RRM2: variants seen among roughly 807,000 people sequenced by gnomAD.
RRM2 encodes the protein ribonucleoside-diphosphate reductase subunit M2.
In RRM2, 6 loss-of-function variants were observed where a neutral mutation model predicts 45.9. The observed-to-expected ratio is 0.13, with a 90% CI of 0.07 to 0.26. RRM2 has a LOEUF of 0.26. Among genes scored for constraint, RRM2 ranks in the 10% least tolerant of loss-of-function variants. The probability of loss-of-function intolerance (pLI) is 1.00; values close to 1 mark genes in which losing one functional copy is unlikely to be tolerated. For synonymous variants in RRM2, 177 were observed against 173.0 expected (o/e 1.02, Z -0.18); for missense variants, 343 against 489.5 (o/e 0.70, Z 2.82).
chr2:10,200,480 GCCCACAGGCACCGCGCACACAAAA>G lies in RRM2; in HGVS notation n.483-9830_483-9807del, dbSNP rs1664533583. ...AGGGACCGCGCGCGCAAAATATGAG[GCCCACAGGCACCGCGCACACAAAA>G]TATGAGGCCCACAGGGACTGCGCGC... On this transcript the variant is annotated intron_variant and non_coding_transcript_variant, in intron 3 of 3. Coordinates refer to the RRM2 transcript ENST00000381786. 1.5e-4 allele frequency among the ~76,000 whole-genome samples: 8 copies of G among 53,986 alleles called. 3 individuals carry two copies. The highest frequency in any genetic ancestry group is 3.6e-4 in the African/African-American group (6 of 16,540). The allele number at this position is 53,986 out of a possible 152,430, so 35.4% of individuals were successfully genotyped here. A position where few individuals can be genotyped will look rare whatever the true frequency, so the allele number is the denominator to read the frequency against.
upstream of RRM2, among the ~76,000 whole-genome samples, chr2:10,136,521 A>G (rs1662992253): frequency 6.6e-6 from 1 of 152,212 alleles, no homozygotes; most frequent in Admixed American, 6.5e-5. Flanking sequence ...TGCAATGTCA[A>G]CACTGGGAGG....
At chr2:10,142,227 G>C in intron 2 of RRM2, 1 of 1,530,846 alleles carries the variant, frequency 6.5e-7, no homozygotes, top group Non-Finnish European at 8.9e-7. Flanking sequence ...TGCAGACCCA[G>C]GTAAAGAGTC....
At chr2:10,146,424 A>AG (rs1431228181) in intron 3 of RRM2, among the ~76,000 whole-genome samples, 1 of 152,208 alleles carries the variant, frequency 6.6e-6, no homozygotes, top group Non-Finnish European at 1.5e-5. Flanking sequence ...ATGTGCAGCT[A>AG]GGGTGGGGCG....
intron 3 of RRM2, among the ~76,000 whole-genome samples, chr2:10,203,673 C>T (rs1479353636): frequency 6.6e-6 from 1 of 152,066 alleles, no homozygotes; most frequent in East Asian, 1.9e-4. Flanking sequence ...ATAACTTGAA[C>T]CCGGGAGGCG....
rs1378629137 is a variant in RRM2 at position 10,129,160 on chromosome 2, G to A, written c.1017+6G>A. 1.9e-6 allele frequency: 3 copies of A among 1,614,042 alleles called. No homozygotes were observed. The highest frequency in any genetic ancestry group is 2.5e-6 in the Non-Finnish European group (3 of 1,179,888). On this transcript the variant is annotated splice_donor_region_variant and intron_variant, in intron 9 of 9. Coordinates refer to ENST00000304567, the MANE Select transcript of RRM2 (RefSeq NM_001034.4). This position sits in a 1 kb window ranked among gnomAD's most constrained non-coding sequence, Gnocchi z 4.8. ...TGGAACTGGGTTTTAGCAAGGTAAA[G>A]TATTGTTTACATAGCCTTTTGCTTG...
rs771867724 is a variant in RRM2, at chr2:10,164,274, C to T, written n.482+21899C>T. 3.3e-5 allele frequency among the ~76,000 whole-genome samples: 5 copies of T among 152,176 alleles called. No homozygotes were observed. The South Asian group carries it at 6.2e-4, about 19-fold the overall frequency. ...GGCCTGAGTCTGCATCTGGGCTCCA[C>T]CTCACCAGCTGTGTGTGAAACCACT... On this transcript the variant is annotated intron_variant and non_coding_transcript_variant, in intron 3 of 3. Coordinates refer to the RRM2 transcript ENST00000381786.
intron 3 of RRM2, among the ~76,000 whole-genome samples, chr2:10,184,569 G>C (rs1459399488): frequency 6.6e-6 from 1 of 152,242 alleles, no homozygotes; most frequent in Non-Finnish European, 1.5e-5. Context: ...TTGAGGCCTG[G>C]GGCAGGCGGG....
At chr2:10,190,334 A>G (rs1664266622) in intron 3 of RRM2, among the ~76,000 whole-genome samples, 1 of 107,116 alleles carries the variant, frequency 9.3e-6, no homozygotes, top group African/African-American at 3.8e-5. Context: ...GGTGGTGGTG[A>G]TGATGGTGGT....
intron 3 of RRM2, among the ~76,000 whole-genome samples, chr2:10,206,700 A>G (rs1664671267): frequency 6.6e-6 from 1 of 152,248 alleles, no homozygotes; most frequent in Admixed American, 6.5e-5. Flanking sequence ...ACAGAAATCC[A>G]TATTTAGATC....
intron 3 of RRM2, among the ~76,000 whole-genome samples, chr2:10,158,096 G>A (rs1178425790): frequency 1.3e-5 from 2 of 152,160 alleles, no homozygotes; most frequent in African/African-American, 4.8e-5. Context: ...GCTGCCATAT[G>A]TAATCCTTGC....
chr2:10,130,245 T>G lies in RRM2; in HGVS notation c.*859T>G, dbSNP rs556628299. The G allele has an allele frequency of 6.6e-6, 1 of 152,348 alleles. No individual in the cohort carries two copies. The highest frequency in any genetic ancestry group is 2.4e-5 in the African/African-American group (1 of 41,588). 9.4% of individuals were successfully genotyped at this position (152,348 alleles called of 1,614,324 possible). A position where few individuals can be genotyped will look rare whatever the true frequency, so the allele number is the denominator to read the frequency against. ...CGTCTGGTTGATGAGAAAAAATTCT[T>G]GAAGAGTTTTCATATGTGGGAGCTA... On this transcript the variant is annotated 3_prime_UTR_variant, in exon 10 of 10. Transcript: ENST00000304567.
At position 10,130,447 on chromosome 2, in the gene RRM2, C is replaced by T. The variant is rs1662873171; in HGVS notation, c.*1061C>T. 1 of 151,986 alleles carries T rather than the reference C, an allele frequency of 6.6e-6. No individual in the cohort carries two copies. Among genetic ancestry groups the T allele is most frequent in the Non-Finnish European group, 1.5e-5 (1 of 68,012 alleles). 9.4% of individuals were successfully genotyped at this position (151,986 alleles called of 1,614,324 possible). A position where few individuals can be genotyped will look rare whatever the true frequency, so the allele number is the denominator to read the frequency against. ...TTTATATTTACTATGTCTGTTAAAT[C>T]AGAAATTTTTTATTATCTATGTTCT... On this transcript the variant is annotated 3_prime_UTR_variant, in exon 10 of 10. Transcript: ENST00000304567.
At chr2:10,175,137 A>G (rs1460962243) in intron 3 of RRM2, among the ~76,000 whole-genome samples, 2 of 152,248 alleles carry the variant, frequency 1.3e-5, no homozygotes, top group African/African-American at 4.8e-5. Flanking sequence ...CAGTTTGAGA[A>G]GTTTTAGACA....
chr2:10,141,777 C>CG, intron 1 of RRM2: 1 of 1,390,844 alleles, frequency 7.2e-7, no homozygotes, highest in Non-Finnish European at 9.3e-7. Context: ...GTGGCCATGG[C>CG]CTGGGGCTGG....
upstream of RRM2, among the ~76,000 whole-genome samples, chr2:10,137,256 C>T (rs1663003973): frequency 6.6e-6 from 1 of 152,208 alleles, no homozygotes; most frequent in Non-Finnish European, 1.5e-5. Context: ...AGAACTTGCA[C>T]CTGTCTACAT....
At position 10,195,241 on chromosome 2, in the gene RRM2, G is replaced by A. The variant is rs1051559182; in HGVS notation, n.483-15070G>A. Among the ~76,000 whole-genome samples, 3 of 152,208 alleles carry A rather than the reference G, an allele frequency of 2.0e-5. No homozygotes were observed. The highest frequency in any genetic ancestry group is 7.2e-5 in the African/African-American group (3 of 41,450). Reference sequence around the variant, plus strand: ...GGGCTAGGTGGGCACAGAATGGGAAGAGAGGCAGTGAGGCAGCCTCTCTGC... The same window carrying A: ...GGGCTAGGTGGGCACAGAATGGGAAAAGAGGCAGTGAGGCAGCCTCTCTGC... On this transcript the variant is annotated intron_variant and non_coding_transcript_variant, in intron 3 of 3. Coordinates refer to the RRM2 transcript ENST00000381786. The surrounding 1 kb of genome is among the most constrained non-coding windows in gnomAD (Gnocchi z 4.9).
chr2:10,186,237 CT>C (rs1664161856), intron 3 of RRM2, among the ~76,000 whole-genome samples: 2 of 151,862 alleles, frequency 1.3e-5, no homozygotes, highest in Non-Finnish European at 2.9e-5. Flanking sequence ...CAGTGGTTTT[CT>C]TTTTTCTGAG....
At chr2:10,136,309 T>A (rs565056506), downstream of RRM2, among the ~76,000 whole-genome samples, 1 of 152,350 alleles carries the variant, frequency 6.6e-6, no homozygotes, top group African/African-American at 2.4e-5. Flanking sequence ...GCGATGGAGA[T>A]GCTGGGGCCT....
At chr2:10,143,105 C>A (rs1033804898) in intron 3 of RRM2, among the ~76,000 whole-genome samples, 1 of 152,208 alleles carries the variant, frequency 6.6e-6, no homozygotes, top group Non-Finnish European at 1.5e-5. Flanking sequence ...GATCTCCTGA[C>A]CTCGTGATCT....
Sources: allele counts gnomAD v4.1 joint callset (sites outside exome capture counted in the v4.1 genomes callset), GRCh38; gene constraint gnomAD v4.1.1; non-coding constraint Gnocchi (gnomAD v3.1); transcripts MANE v1.5; gene names NCBI Gene and HGNC (gene_info 2026-07-23, HGNC 2026-07-21).